Variants in CKAP5 observed in about 807,000 individuals in gnomAD.
The protein encoded by CKAP5 is cytoskeleton-associated protein 5.
CKAP5 carries 27 observed loss-of-function variants against 232.8 expected under a neutral mutation model. That is an observed-to-expected ratio of 0.12 (90% confidence interval 0.09 to 0.16). The LOEUF (loss-of-function observed/expected upper bound fraction) is 0.16. Among genes scored for constraint, CKAP5 ranks in the 10% least tolerant of loss-of-function variants. CKAP5 has a pLI of 1.00. For missense variants in CKAP5, 1,838 were observed against 2,424.7 expected (o/e 0.76, Z 5.08); for synonymous variants, 785 against 841.1 (o/e 0.93, Z 1.16).
intron 27 of CKAP5, among the ~76,000 whole-genome samples, chr11:46,766,216 A>ATGAC (rs1166406282): frequency 6.6e-6 from 1 of 152,202 alleles, no homozygotes; most frequent in African/African-American, 2.4e-5. Flanking sequence ...ATAAACACTA[A>ATGAC]TGTCATTCAG....
intron 43 of CKAP5, 50 bp from the exon 44 acceptor site, chr11:46,744,315 G>A: frequency 6.2e-6 from 10 of 1,612,828 alleles, no homozygotes; most frequent in Non-Finnish European, 7.6e-6. Context: ...AGCAGGTCAA[G>A]ATGCAGCTCC....
rs1482664367 is a variant in CKAP5, at chr11:46,753,476, C to T, written c.4891G>A (p.Ala1631Thr). The change falls in exon 37 of 44, where the codon GCC (alanine) becomes ACC (threonine). Residue 1631 changes from alanine (A) to threonine (T), a missense_variant. Ala to Thr is a moderately conservative substitution (Grantham distance 58, BLOSUM62 0). Coordinates refer to ENST00000529230, the MANE Select transcript of CKAP5 (RefSeq NM_001008938.4). ...MISLFQIESLAREASTGVLKD... is the reference protein window; with the variant it reads ...MISLFQIESLTREASTGVLKD... ...AGTACTCCAGTGGAGGCCTCCCGGG[C>T]AAGGCTCTCTATCTGAAACAGCTAT... 2 of 1,611,836 alleles carry T rather than the reference C, an allele frequency of 1.2e-6. No individual in the cohort carries two copies. Among genetic ancestry groups the T allele is most frequent in the South Asian group, 1.1e-5 (1 of 90,896 alleles).
intron 26 of CKAP5, 98 bp from the exon 27 acceptor site, chr11:46,767,761 C>A: frequency 2.9e-6 from 2 of 678,326 alleles, no homozygotes; most frequent in South Asian, 2.1e-5. Flanking sequence ...AGCTTGCAGT[C>A]TTAAATGTAT....
At chr11:46,795,100 G>A (rs193140716) in intron 13 of CKAP5, among the ~76,000 whole-genome samples, 166 of 152,196 alleles carry the variant, frequency 1.1e-3, no homozygotes, top group African/African-American at 3.7e-3. Flanking sequence ...AGGTCAAGGC[G>A]GGTGGATCAC....
chr11:46,780,545 G>A, intron 18 of CKAP5, 60 bp from the exon 19 acceptor site: 2 of 1,400,130 alleles, frequency 1.4e-6, no homozygotes, highest in South Asian at 1.2e-5. Flanking sequence ...ACTCAATAAC[G>A]TTTTATAAAG....
chr11:46,746,903 G>GA (rs1285074649), intron 42 of CKAP5, among the ~76,000 whole-genome samples: 4 of 152,162 alleles, frequency 2.6e-5, no homozygotes, highest in Admixed American at 2.6e-4. Flanking sequence ...GAGGTGGGGG[G>GA]ATCACTTGAG....
chr11:46,775,989 C>T (rs1393378629), intron 24 of CKAP5, among the ~76,000 whole-genome samples: 3 of 151,928 alleles, frequency 2.0e-5, no homozygotes, highest in Non-Finnish European at 4.4e-5. Flanking sequence ...AACACAAAAC[C>T]TCTGATTTTA....
At chr11:46,844,828 G>C (rs966362940) in intron 1 of CKAP5, among the ~76,000 whole-genome samples, 3 of 151,714 alleles carry the variant, frequency 2.0e-5, no homozygotes, top group Non-Finnish European at 4.4e-5. Flanking sequence ...TTTTAGTAGA[G>C]AGAGAGAGAG....
At chr11:46,761,835 G>A (rs546478267) in intron 32 of CKAP5, among the ~76,000 whole-genome samples, 165 bp downstream of exon 32, 19 of 152,314 alleles carry the variant, frequency 1.2e-4, no homozygotes, top group African/African-American at 4.6e-4. Flanking sequence ...AGCCTAATCA[G>A]AGACACCTCA....
intron 1 of CKAP5, among the ~76,000 whole-genome samples, chr11:46,833,736 C>T (rs1939850114): frequency 6.6e-6 from 1 of 151,456 alleles, no homozygotes; most frequent in Non-Finnish European, 1.5e-5. Flanking sequence ...CTCGTCCTCC[C>T]AAACTGCTGG....
At chr11:46,788,594 C>T (rs1032459339) in intron 16 of CKAP5, 87 bp downstream of exon 16, 80 of 811,070 alleles carry the variant, frequency 9.9e-5, no homozygotes, top group Non-Finnish European at 1.4e-4. Flanking sequence ...AAAATCATTA[C>T]GAAAACTATT....
At chr11:46,842,556 G>A (rs1251564776) in intron 1 of CKAP5, among the ~76,000 whole-genome samples, 2 of 152,160 alleles carry the variant, frequency 1.3e-5, no homozygotes, top group Non-Finnish European at 2.9e-5. Flanking sequence ...CAAATGTGCT[G>A]TCTCAGTTTC....
rs1350407218 is a variant in CKAP5, at chr11:46,816,232, C to T, written c.424G>A (p.Val142Met). 1 of 1,614,156 alleles carries T rather than the reference C, an allele frequency of 6.2e-7. No individual in the cohort carries two copies. The highest frequency in any genetic ancestry group is 1.3e-5 in the African/African-American group (1 of 75,034). The change falls in exon 4 of 44, where the codon GTG becomes ATG. Residue 142 changes from valine (V) to methionine (M), a missense_variant. Physicochemically the swap from Val to Met is conservative, Grantham distance 21. Transcript: ENST00000529230. ...TTCCTCAGTGTCTCTATACAGGCCA[C>T]TATGATCTTGGGATTCTTATTGTCC... ...GLDNKNPKII[V>M]ACIETLRKAL... is the part of the protein sequence containing the mutation.
At position 46,763,057 on chromosome 11, in the gene CKAP5, C is replaced by T; in HGVS notation, c.3810G>A (p.Leu1270=). Residue 1270 remains leucine, a synonymous_variant, in exon 30 of 44, where the codon TTG becomes TTA. Coordinates refer to ENST00000529230, the MANE Select transcript of CKAP5 (RefSeq NM_001008938.4). ...VLMKALEYLK[L]LFTLLSEEEY... is the part of the protein sequence containing the mutation. ...CTTCTTCACTTAGCAAGGTGAAGAG[C>T]AATTTTAAATATTCTAGTGCTTTCA... The T allele has an allele frequency of 6.2e-7, 1 of 1,613,020 alleles. No homozygotes were observed. The highest frequency in any genetic ancestry group is 8.5e-7 in the Non-Finnish European group (1 of 1,179,030).
At chr11:46,765,033 TC>T (rs1418922973) in intron 28 of CKAP5, 97 bp downstream of exon 28, 2 of 1,104,344 alleles carry the variant, frequency 1.8e-6, no homozygotes, top group East Asian at 5.1e-5. Flanking sequence ...AACACTTAAT[TC>T]CTAGATATTA....
chr11:46,814,034 G>C (rs1266411960), intron 4 of CKAP5, among the ~76,000 whole-genome samples: 1 of 150,656 alleles, frequency 6.6e-6, no homozygotes, highest in Non-Finnish European at 1.5e-5. Context: ...CAGGAGGCTG[G>C]AGGCATGAGA....
intron 3 of CKAP5, among the ~76,000 whole-genome samples, chr11:46,816,962 C>A (rs1433871407): frequency 6.6e-6 from 1 of 151,862 alleles, no homozygotes; most frequent in South Asian, 2.1e-4. Flanking sequence ...CAAAATTACT[C>A]AGGTGTGGTG....
chr11:46,840,217 A>G (rs1207727007), intron 1 of CKAP5, among the ~76,000 whole-genome samples: 1 of 152,208 alleles, frequency 6.6e-6, no homozygotes, highest in Non-Finnish European at 1.5e-5. Context: ...GTATCTGGGC[A>G]TGTATTTTAT....
At chr11:46,758,861 C>A in intron 35 of CKAP5, 62 bp downstream of exon 35, 2 of 1,582,502 alleles carry the variant, frequency 1.3e-6, no homozygotes, top group South Asian at 2.3e-5. Flanking sequence ...GTGTGCAATT[C>A]ATCACATTTA....
Sources: gnomAD v4.1 joint callset for allele counts (sites outside exome capture counted in the v4.1 genomes callset) on GRCh38, gnomAD v4.1.1 for gene constraint, MANE v1.5 for transcripts, NCBI Gene and HGNC (gene_info 2026-07-23, HGNC 2026-07-21) for gene names.